Variants in CDK12 observed in about 807,000 individuals in gnomAD.
CDK12 encodes cyclin dependent kinase 12, also known as cyclin-dependent kinase 12.
A neutral mutation model predicts 133.8 loss-of-function variants in CDK12; 17 were observed. The ratio of observed to expected loss-of-function variants is 0.13; its 90% confidence interval spans 0.09 to 0.19. The LOEUF (loss-of-function observed/expected upper bound fraction) is 0.19. CDK12 is among the 10% of genes least tolerant of loss of function. The pLI is 1.00. For missense variants in CDK12, 1,508 were observed against 1,818.7 expected, an observed-to-expected ratio of 0.83 and a Z score of 3.11; for synonymous variants, 694 against 683.6, an observed-to-expected ratio of 1.02 and a Z score of -0.24.
intron 6 of CDK12, among the ~76,000 whole-genome samples, chr17:39,502,186 T>C (rs1487845233): frequency 7.5e-6 from 1 of 132,488 alleles, no homozygotes; most frequent in East Asian, 2.4e-4. Context: ...GGAGTCTTGC[T>C]CTGTCGCCCA....
intron 6 of CDK12, among the ~76,000 whole-genome samples, chr17:39,502,900 A>T (rs1054158610): frequency 6.6e-6 from 1 of 152,150 alleles, no homozygotes; most frequent in Non-Finnish European, 1.5e-5. Context: ...TGGCCAAGAG[A>T]TGAAGCTGGA....
chr17:39,505,951 C>T (rs12943456), intron 6 of CDK12, among the ~76,000 whole-genome samples: 7,897 of 152,100 alleles, frequency 0.052, 662 homozygotes, highest in African/African-American at 0.18. Context: ...AGTAAGTTTA[C>T]TGGTAAAAGG....
Position 39,531,365 on chromosome 17 carries a change from A to C in CDK12, c.*49A>C, listed in dbSNP as rs748298824. The C allele has an allele frequency of 4.8e-5, 66 of 1,378,406 alleles. No homozygotes were observed. Among genetic ancestry groups the C allele is most frequent in the Non-Finnish European group, 6.1e-5 (65 of 1,060,166 alleles). 85.4% of individuals were successfully genotyped at this position (1,378,406 alleles called of 1,614,324 possible). A position where few individuals can be genotyped will look rare whatever the true frequency, so the allele number is the denominator to read the frequency against. On this transcript the variant is annotated 3_prime_UTR_variant, in exon 14 of 14. Transcript: ENST00000447079. ...AGATTCCTTTCCTATCCATCCTTCC[A>C]TCCAGTTCTCTGAATCTTTAATGAA... is the stretch of plus-strand genomic sequence containing the variant.
intron 2 of CDK12, 51 bp from the exon 3 acceptor site, chr17:39,490,506 T>G (rs1392189948): frequency 3.7e-6 from 5 of 1,347,882 alleles, no homozygotes; most frequent in Non-Finnish European, 5.1e-6. Context: ...AAAATTTTTA[T>G]TTGCGTATCT....
intron 1 of CDK12, among the ~76,000 whole-genome samples, chr17:39,541,513 C>T (rs545479890): frequency 8.6e-5 from 13 of 151,988 alleles, no homozygotes; most frequent in Admixed American, 7.2e-4. Flanking sequence ...TACAGGCACC[C>T]GCCACCATGC....
intron 6 of CDK12, among the ~76,000 whole-genome samples, chr17:39,504,397 G>A (rs990903059): frequency 2.0e-5 from 3 of 152,102 alleles, no homozygotes; most frequent in African/African-American, 7.2e-5. Context: ...AGATAGGCAG[G>A]TTTAAGAAGG....
downstream of CDK12, among the ~76,000 whole-genome samples, chr17:39,536,520 C>T (rs188893589): frequency 6.6e-5 from 10 of 152,266 alleles, no homozygotes; most frequent in Admixed American, 5.9e-4. Flanking sequence ...TCCTGCTTCC[C>T]CTCTTTCAAC....
chr17:39,503,351 G>A (rs1216511223), intron 6 of CDK12, among the ~76,000 whole-genome samples: 1 of 152,198 alleles, frequency 6.6e-6, no homozygotes, highest in African/African-American at 2.4e-5. Context: ...GGTATTACAA[G>A]CGTGAGCCAC....
chr17:39,480,892 A>T (rs2050589724), intron 2 of CDK12, among the ~76,000 whole-genome samples: 1 of 152,236 alleles, frequency 6.6e-6, no homozygotes, highest in Non-Finnish European at 1.5e-5. Context: ...AGTACAATCT[A>T]CATGACCATA....
intron 2 of CDK12, among the ~76,000 whole-genome samples, chr17:39,478,970 A>G (rs1446218644): frequency 2.0e-5 from 3 of 151,984 alleles, no homozygotes; most frequent in East Asian, 1.9e-4. Flanking sequence ...AGCTGCTCCT[A>G]TCTTTGACAT....
intron 3 of CDK12, among the ~76,000 whole-genome samples, chr17:39,562,897 CTTTTCTTTTTTTTTTTTT>C (rs2056429406): frequency 1.1e-5 from 1 of 93,682 alleles, no homozygotes. Flanking sequence ...TTTTCTTTTT[CTTTTCTTTTTTTTTTTTT>C]TTTTTTTTTA....
Position 39,491,483 on chromosome 17 carries a change from G to A in CDK12, c.2108+750G>A, listed in dbSNP as rs553282725. ...AACTCTTGACCTCAGGTAATCCACC[G>A]CCTTGGCCTCCCAAAGTGCTGGGAT... On this transcript the variant is annotated intron_variant, in intron 3 of 13. Coordinates refer to ENST00000447079, the MANE Select transcript of CDK12 (RefSeq NM_016507.4). Among the ~76,000 whole-genome samples, 209 of 152,054 alleles carry A rather than the reference G, an allele frequency of 1.4e-3. 2 individuals carry two copies. The Middle Eastern group carries it at 0.02, about 15-fold the overall frequency.
chr17:39,492,926 T>C (rs750463583), intron 4 of CDK12, 36 bp downstream of exon 4: 24 of 1,557,616 alleles, frequency 1.5e-5, no homozygotes, highest in Non-Finnish European at 1.9e-5. Flanking sequence ...TGTCAGAATG[T>C]TAACAATTTA....
At chr17:39,468,953 C>CA (rs1482625729) in intron 1 of CDK12, among the ~76,000 whole-genome samples, 4 of 152,104 alleles carry the variant, frequency 2.6e-5, no homozygotes, top group African/African-American at 9.7e-5. Context: ...CTCAGCCTCC[C>CA]AAGTAGCTGG....
intron 2 of CDK12, among the ~76,000 whole-genome samples, chr17:39,487,463 G>A (rs1265038664): frequency 6.6e-6 from 1 of 152,114 alleles, no homozygotes; most frequent in Non-Finnish European, 1.5e-5. Context: ...AAGATTGCCT[G>A]TGGTTAAGGT....
intron 3 of CDK12, among the ~76,000 whole-genome samples, chr17:39,562,450 G>T (rs2056407031): frequency 6.6e-6 from 1 of 152,088 alleles, no homozygotes; most frequent in Non-Finnish European, 1.5e-5. Flanking sequence ...AGCCAAGATG[G>T]TGAGGAAATC....
chr17:39,504,900 C>A (rs977718136), intron 6 of CDK12, among the ~76,000 whole-genome samples: 17 of 43,300 alleles, frequency 3.9e-4, no homozygotes, highest in South Asian at 2.3e-3. Flanking sequence ...AAAAAAAAAA[C>A]GCTAAGGAGA....
chr17:39,471,640 C>T lies in CDK12; in HGVS notation c.1808C>T (p.Pro603Leu). 1 of 1,614,134 alleles carries T rather than the reference C, an allele frequency of 6.2e-7. No individual in the cohort carries two copies. The highest frequency in any genetic ancestry group is 1.1e-5 in the South Asian group (1 of 91,076). Residue 603 changes from proline (P) to leucine (L), a missense_variant, in exon 2 of 14, where the codon CCC (proline) becomes CTC (leucine). Around this residue, in one of 9 missense-constraint regions of CDK12, gnomAD observed 347 missense variants for 330.8 expected, o/e 1.05. Coordinates refer to ENST00000447079, the MANE Select transcript of CDK12 (RefSeq NM_016507.4). ...GTGTCCTCTCAGGCAAATTCTCAGC[C>T]CCCTGTACAGGTTTCTGTGAAGACT... ...SAVSSQANSQPPVQVSVKTQV... is the reference protein window; with the variant it reads ...SAVSSQANSQLPVQVSVKTQV...
chr17:39,482,599 A>ATGTTTTTTTTTT (rs2050800618), intron 2 of CDK12, among the ~76,000 whole-genome samples: 1 of 74,392 alleles, frequency 1.3e-5, no homozygotes, highest in Non-Finnish European at 2.6e-5. Context: ...AATCAACTAC[A>ATGTTTTTTTTTT]TTTTTTTTTT....
Sources: gnomAD v4.1 joint callset for allele counts (sites outside exome capture counted in the v4.1 genomes callset) on GRCh38, gnomAD v4.1.1 for gene constraint, gnomAD v4.1.1 regional missense constraint, MANE v1.5 for transcripts, NCBI Gene and HGNC (gene_info 2026-07-23, HGNC 2026-07-21) for gene names.